MRPL1: variants seen among roughly 807,000 people sequenced by gnomAD.
MRPL1 encodes the protein large ribosomal subunit protein uL1m.
A neutral mutation model predicts 38.0 loss-of-function variants in MRPL1; 28 were observed. That is an observed-to-expected ratio of 0.74 (90% CI 0.55 to 1.01). The LOEUF (loss-of-function observed/expected upper bound fraction) is 1.01, where lower values mean the gene tolerates loss of function less well. Among genes scored for constraint, MRPL1 ranks in the 50% least tolerant of loss-of-function variants. The pLI, the probability that MRPL1 is intolerant of heterozygous loss-of-function variation, is 0.00. For missense variants in MRPL1, 358 were observed against 389.8 expected (o/e 0.92, Z 0.69); for synonymous variants, 123 against 126.7 (o/e 0.97, Z 0.20).
chr4:77,914,709 TTGTG>T (rs370505471), intron 7 of MRPL1, among the ~76,000 whole-genome samples: 2 of 140,092 alleles, frequency 1.4e-5, no homozygotes, highest in African/African-American at 2.9e-5. Flanking sequence ...GATGTGGTAT[TTGTG>T]TGTGTGTGTG....
intron 1 of MRPL1, among the ~76,000 whole-genome samples, chr4:77,868,337 G>C (rs1397834657): frequency 6.6e-6 from 1 of 151,862 alleles, no homozygotes; most frequent in Non-Finnish European, 1.5e-5. Context: ...TGACTCTGGG[G>C]TTCAAGCAGT....
At chr4:77,877,993 T>G (rs1343198251) in intron 2 of MRPL1, among the ~76,000 whole-genome samples, 4 of 152,080 alleles carry the variant, frequency 2.6e-5, no homozygotes, top group Non-Finnish European at 5.9e-5. Flanking sequence ...GAAAATGGCC[T>G]GTGAATTGAG....
chr4:77,864,606 G>A (rs1735084458), intron 1 of MRPL1: 1 of 151,972 alleles, frequency 6.6e-6, no homozygotes, highest in African/African-American at 2.4e-5. Flanking sequence ...TGAAATATAC[G>A]TTTTCCTCAT....
At chr4:77,865,051 G>A (rs1250378956) in intron 1 of MRPL1, among the ~76,000 whole-genome samples, 3 of 151,808 alleles carry the variant, frequency 2.0e-5, no homozygotes, top group South Asian at 4.2e-4. Flanking sequence ...CACCATGCCC[G>A]GCTAATTTTT....
chr4:77,934,249 A>G (rs1706979271), intron 7 of MRPL1, among the ~76,000 whole-genome samples: 1 of 152,276 alleles, frequency 6.6e-6, no homozygotes, highest in Non-Finnish European at 1.5e-5. Flanking sequence ...CATTATCAAT[A>G]GAGCACAAAG....
intron 2 of MRPL1, among the ~76,000 whole-genome samples, chr4:77,874,496 A>G (rs964853737): frequency 6.6e-6 from 1 of 152,174 alleles, no homozygotes; most frequent in Non-Finnish European, 1.5e-5. Flanking sequence ...AAATATAATG[A>G]ATATGTTTGT....
intron 6 of MRPL1, among the ~76,000 whole-genome samples, chr4:77,897,551 A>C (rs1011824501): frequency 1.3e-5 from 2 of 152,120 alleles, no homozygotes; most frequent in Non-Finnish European, 1.5e-5. Flanking sequence ...TTAACTTCTA[A>C]CTCTTAGAAT....
chr4:77,927,725 A>T (rs1246008622), intron 7 of MRPL1, among the ~76,000 whole-genome samples: 1 of 152,082 alleles, frequency 6.6e-6, no homozygotes, highest in African/African-American at 2.4e-5. Context: ...TACAATATAT[A>T]AATGCATTTA....
At chr4:77,881,869 C>A (rs930627922) in intron 2 of MRPL1, among the ~76,000 whole-genome samples, 1 of 152,146 alleles carries the variant, frequency 6.6e-6, no homozygotes, top group Admixed American at 6.5e-5. Flanking sequence ...TGTTTTCAAT[C>A]CTACTTCCTT....
At chr4:77,886,412 G>T (rs1031199119) in intron 4 of MRPL1, among the ~76,000 whole-genome samples, 65 of 151,366 alleles carry the variant, frequency 4.3e-4, no homozygotes, top group African/African-American at 1.4e-3. Context: ...TTGGCTTACC[G>T]CAACCTCTGC....
At chr4:77,905,506 A>G (rs964625123) in intron 6 of MRPL1, among the ~76,000 whole-genome samples, 2 of 150,948 alleles carry the variant, frequency 1.3e-5, no homozygotes, top group Non-Finnish European at 3.0e-5. Flanking sequence ...CAAAAAAAAA[A>G]AAAAAAAAAA....
intron 6 of MRPL1, among the ~76,000 whole-genome samples, chr4:77,903,588 G>A (rs760619717): frequency 8.5e-5 from 13 of 152,106 alleles, no homozygotes; most frequent in Non-Finnish European, 1.9e-4. Flanking sequence ...AATTTAATGA[G>A]GTTATAGGAT....
chr4:77,909,524 T>G (rs775680068), intron 7 of MRPL1, 152 bp downstream of exon 7: 7 of 557,626 alleles, frequency 1.3e-5, no homozygotes, highest in Non-Finnish European at 1.6e-5. Context: ...GATACTTTTT[T>G]TATTCTATAA....
intron 7 of MRPL1, among the ~76,000 whole-genome samples, chr4:77,922,812 G>T (rs533311378): frequency 6.6e-6 from 1 of 152,278 alleles, no homozygotes; most frequent in East Asian, 1.9e-4. Flanking sequence ...AGGCGGAAGG[G>T]TTATTATCAG....
intron 7 of MRPL1, among the ~76,000 whole-genome samples, chr4:77,948,241 G>T (rs1737318971): frequency 6.6e-6 from 1 of 152,210 alleles, no homozygotes; most frequent in East Asian, 1.9e-4. Flanking sequence ...AGCTGTGATG[G>T]TTACTTCAGT....
chr4:77,952,760 A>G lies in MRPL1; in HGVS notation c.*153A>G. The G allele has an allele frequency of 1.7e-6, 1 of 578,074 alleles. No homozygotes were observed. Among genetic ancestry groups the G allele is most frequent in the Non-Finnish European group, 3.0e-6 (1 of 337,052 alleles). 35.8% of individuals were successfully genotyped at this position (578,074 alleles called of 1,614,324 possible). A position where few individuals can be genotyped will look rare whatever the true frequency, so the allele number is the denominator to read the frequency against. On this transcript the variant is annotated 3_prime_UTR_variant, in exon 9 of 9. Transcript: ENST00000315567. ...ATCGTACAGTCATTTCAAGAATAAG[A>G]AAATAAAATTTTCTCTTTGTCTGAA... is the stretch of plus-strand genomic sequence containing the variant.
In MRPL1 at chr4:77,952,769, T is replaced by C. The variant is rs1737439407; in HGVS notation, c.*162T>C. ...TCATTTCAAGAATAAGAAAATAAAA[T>C]TTTCTCTTTGTCTGAACCTGCCTTT... On this transcript the variant is annotated 3_prime_UTR_variant, in exon 9 of 9. Transcript: ENST00000315567. The C allele has an allele frequency of 3.6e-6, 2 of 562,396 alleles. No individual in the cohort carries two copies. Among genetic ancestry groups the C allele is most frequent in the Non-Finnish European group, 6.1e-6 (2 of 325,976 alleles). 34.8% of individuals were successfully genotyped at this position (562,396 alleles called of 1,614,324 possible). A position where few individuals can be genotyped will look rare whatever the true frequency, so the allele number is the denominator to read the frequency against.
intron 5 of MRPL1, among the ~76,000 whole-genome samples, chr4:77,893,038 T>G (rs898440382): frequency 6.6e-6 from 1 of 152,196 alleles, no homozygotes; most frequent in African/African-American, 2.4e-5. Context: ...AGGATAAAAT[T>G]CCATAGTCAT....
chr4:77,919,454 C>CA (rs1414454075), intron 7 of MRPL1, among the ~76,000 whole-genome samples: 1 of 151,748 alleles, frequency 6.6e-6, no homozygotes, highest in East Asian at 1.9e-4. Context: ...TTCTGTTTGT[C>CA]AAAAACTAAA....
Sources: allele counts gnomAD v4.1 joint callset (sites outside exome capture counted in the v4.1 genomes callset), GRCh38; gene constraint gnomAD v4.1.1; transcripts MANE v1.5; gene names NCBI Gene and HGNC (gene_info 2026-07-23, HGNC 2026-07-21).